The following FRMD4A variants were observed in gnomAD, a reference collection of about 807,000 sequenced individuals.
The protein encoded by FRMD4A is FERM domain-containing protein 4A.
A neutral mutation model predicts 129.1 loss-of-function variants in FRMD4A; 29 were observed. The observed-to-expected ratio is 0.22, with a 90% CI of 0.17 to 0.31. The LOEUF (loss-of-function observed/expected upper bound fraction) is 0.31. Ranked by LOEUF, FRMD4A falls within the 10% of genes least tolerant of loss-of-function variation. The pLI is 1.00. For missense variants in FRMD4A, 1,272 were observed against 1,375.8 expected (o/e 0.92, Z 1.19); for synonymous variants, 634 against 571.6 (o/e 1.11, Z -1.56).
rs371890815 is a variant in FRMD4A, at chr10:13,723,854, G to A, written c.759+13990C>T. Among the ~76,000 whole-genome samples, 10 of 152,338 alleles carry A rather than the reference G, an allele frequency of 6.6e-5. No individual in the cohort carries two copies. In the South Asian group the frequency reaches 1.9e-3, roughly 28 times the overall value. On this transcript the variant is annotated intron_variant, in intron 12 of 24. Coordinates refer to ENST00000357447, the MANE Select transcript of FRMD4A (RefSeq NM_018027.5). Reference sequence around the variant, plus strand: ...TAATAGGTATCCCCTGACATCAGACGAACTGAAGCGGGGATGGAGCTCAGA... The same window carrying A: ...TAATAGGTATCCCCTGACATCAGACAAACTGAAGCGGGGATGGAGCTCAGA...
chr10:13,836,990 C>T (rs772566488), intron 3 of FRMD4A, among the ~76,000 whole-genome samples: 8 of 152,118 alleles, frequency 5.3e-5, no homozygotes, highest in Non-Finnish European at 1.0e-4. Flanking sequence ...AGCTCCTGAC[C>T]TCATGATCTG....
intron 12 of FRMD4A, chr10:13,707,387 G>A (rs915245463): frequency 1.8e-6 from 2 of 1,128,762 alleles, no homozygotes; most frequent in African/African-American, 1.6e-5. Flanking sequence ...GCCTTCGGTC[G>A]GCCTTTGTTG....
intron 15 of FRMD4A, among the ~76,000 whole-genome samples, chr10:13,688,249 A>G (rs1266623618): frequency 1.3e-5 from 2 of 152,200 alleles, no homozygotes; most frequent in African/African-American, 4.8e-5. Context: ...TTGTAGGGAC[A>G]TGGATGAAAC....
At chr10:13,679,267 C>A (rs754181155) in intron 15 of FRMD4A, among the ~76,000 whole-genome samples, 4 of 146,880 alleles carry the variant, frequency 2.7e-5, no homozygotes, top group South Asian at 2.2e-4. Flanking sequence ...ACTAAAAATA[C>A]GAAAAAAAAA....
At chr10:14,131,399 C>CCCG (rs976730019) in intron 2 of FRMD4A, among the ~76,000 whole-genome samples, 10 of 151,194 alleles carry the variant, frequency 6.6e-5, no homozygotes, top group South Asian at 6.3e-4. Context: ...TCACTGTGCC[C>CCCG]CCCCCGGCCG....
At chr10:14,145,289 C>T (rs1840022437) in intron 2 of FRMD4A, among the ~76,000 whole-genome samples, 1 of 152,196 alleles carries the variant, frequency 6.6e-6, no homozygotes, top group South Asian at 2.1e-4. Context: ...TAATTAACCT[C>T]CCCCAGATCA....
At chr10:13,743,700 T>C (rs1222555768) in intron 9 of FRMD4A, among the ~76,000 whole-genome samples, 2 of 152,182 alleles carry the variant, frequency 1.3e-5, no homozygotes, top group East Asian at 3.9e-4. Context: ...TGAGGCCATC[T>C]GTGAAGCCAC....
At position 13,674,173 on chromosome 10, in the gene FRMD4A, C is replaced by T. The variant is rs375974048; in HGVS notation, c.1251+738G>A. 6.6e-5 allele frequency among the ~76,000 whole-genome samples: 10 copies of T among 152,270 alleles called. No individual in the cohort carries two copies. In the East Asian group the frequency reaches 1.5e-3, roughly 23 times the overall value. On this transcript the variant is annotated intron_variant, in intron 16 of 24. Coordinates refer to ENST00000357447, the MANE Select transcript of FRMD4A (RefSeq NM_018027.5). ...AAGGTGACTATATACCAAGTGAGATCGTGGTTTCCTTGTTGACCACCAGTG... is the reference window on the plus strand; with the variant it reads ...AAGGTGACTATATACCAAGTGAGATTGTGGTTTCCTTGTTGACCACCAGTG...
chr10:13,971,359 A>C (rs1034059115), intron 2 of FRMD4A, among the ~76,000 whole-genome samples: 18 of 152,174 alleles, frequency 1.2e-4, no homozygotes, highest in African/African-American at 4.3e-4. Context: ...TCTGAGTTTC[A>C]ATAACCTCAT....
chr10:14,240,506 A>C (rs1844003161), intron 2 of FRMD4A, among the ~76,000 whole-genome samples: 1 of 152,124 alleles, frequency 6.6e-6, no homozygotes, highest in Non-Finnish European at 1.5e-5. Context: ...CAACACTAGC[A>C]TGTTTAGTTC....
At chr10:13,949,905 A>G (rs544209301) in intron 2 of FRMD4A, among the ~76,000 whole-genome samples, 3 of 152,248 alleles carry the variant, frequency 2.0e-5, no homozygotes, top group Non-Finnish European at 4.4e-5. Context: ...AGCAGCACTC[A>G]CATCTGTGGG....
intron 2 of FRMD4A, among the ~76,000 whole-genome samples, chr10:13,867,864 GTAATATATAATAAA>G (rs2131073078): frequency 7.6e-6 from 1 of 130,720 alleles, no homozygotes; most frequent in East Asian, 2.1e-4. Flanking sequence ...AATATATAAT[GTAATATATAATAAA>G]TAATATATAA....
At chr10:13,751,467 G>C (rs192545420) in intron 8 of FRMD4A, among the ~76,000 whole-genome samples, 119 of 152,268 alleles carry the variant, frequency 7.8e-4, no homozygotes, top group African/African-American at 2.6e-3. Context: ...AATAACTTAG[G>C]GGTGTCTAGC....
At chr10:13,733,852 T>G (rs2090464985) in intron 12 of FRMD4A, among the ~76,000 whole-genome samples, 1 of 152,208 alleles carries the variant, frequency 6.6e-6, no homozygotes, top group Non-Finnish European at 1.5e-5. Flanking sequence ...TCGTCGTGAT[T>G]GGGAAATGAA....
chr10:13,844,729 G>A (rs1489100476), intron 3 of FRMD4A, among the ~76,000 whole-genome samples: 1 of 152,164 alleles, frequency 6.6e-6, no homozygotes, highest in Admixed American at 6.5e-5. Flanking sequence ...TCCAGGGAAT[G>A]GTCAAAGATC....
intron 2 of FRMD4A, among the ~76,000 whole-genome samples, chr10:14,061,434 T>C (rs1476697079): frequency 2.6e-5 from 4 of 152,082 alleles, no homozygotes; most frequent in Admixed American, 2.6e-4. Context: ...TGAGACTCCA[T>C]CTCAAAAAAG....
intron 12 of FRMD4A, among the ~76,000 whole-genome samples, chr10:13,723,450 G>A (rs1213465450): frequency 2.6e-5 from 4 of 152,164 alleles, no homozygotes; most frequent in Non-Finnish European, 5.9e-5. Flanking sequence ...GATGGGGGGA[G>A]AGAAAAGAGG....
chr10:14,025,150 C>T (rs557466293), intron 2 of FRMD4A, among the ~76,000 whole-genome samples: 106 of 152,314 alleles, frequency 7.0e-4, no homozygotes, highest in Middle Eastern at 3.4e-3. Flanking sequence ...TCTTTCTTCT[C>T]CATCCTATGC....
intron 2 of FRMD4A, among the ~76,000 whole-genome samples, chr10:14,227,556 C>A (rs1045569833): frequency 6.6e-6 from 1 of 151,946 alleles, no homozygotes; most frequent in African/African-American, 2.4e-5. Flanking sequence ...CCAGCCCTCT[C>A]TTTAGTGTTC....
Sources: allele counts gnomAD v4.1 joint callset (sites outside exome capture counted in the v4.1 genomes callset), GRCh38; gene constraint gnomAD v4.1.1; transcripts MANE v1.5; gene names NCBI Gene and HGNC (gene_info 2026-07-23, HGNC 2026-07-21).